Variants in TMEM237 observed in about 807,000 individuals in gnomAD.
TMEM237 encodes amyotrophic lateral sclerosis 2 (juvenile) chromosome region, candidate 4.
Under a neutral mutation model 59.1 loss-of-function variants are expected in TMEM237, and 51 were observed. The ratio of observed to expected loss-of-function variants is 0.86; its 90% CI spans 0.69 to 1.09. The LOEUF (loss-of-function observed/expected upper bound fraction) is 1.09. Among genes scored for constraint, TMEM237 ranks in the 50% least tolerant of loss-of-function variants. The pLI is 0.00. For synonymous variants in TMEM237, 140 were observed against 166.1 expected (o/e 0.84, Z 1.21); for missense variants, 475 against 478.3 (o/e 0.99, Z 0.06).
Position 201,636,831 on chromosome 2 carries a change from C to A in TMEM237, c.191G>T (p.Gly64Val). 1 of 1,605,806 alleles carries A rather than the reference C, an allele frequency of 6.2e-7. No homozygotes were observed. Among genetic ancestry groups the A allele is most frequent in the Non-Finnish European group, 8.5e-7 (1 of 1,176,266 alleles). ...GAGTTCTTTAGTTGATGGCTCATTG[C>A]CCTCAGAGGGCCTTCGACCAGCAGT... ...AQTAGRRPSE[G>V]NEPSTKELKE... Residue 64 changes from glycine (G) to valine (V), a missense_variant, in exon 5 of 13, where the codon GGC (glycine) becomes GTC (valine). Physicochemically the swap from Gly to Val is moderately radical, Grantham distance 109 (BLOSUM62 -3). Coordinates refer to ENST00000409883, the MANE Select transcript of TMEM237 (RefSeq NM_001044385.3).
intron 8 of TMEM237, 141 bp downstream of exon 8, chr2:201,629,588 G>A: frequency 7.7e-7 from 1 of 1,301,762 alleles, no homozygotes; most frequent in Non-Finnish European, 1.0e-6. Flanking sequence ...AATTCCAATA[G>A]GATGTTTAAA....
At chr2:201,641,039 TGGAGTGCAACGGCACG>T in intron 1 of TMEM237, 115 bp from the exon 2 acceptor site, 1 of 873,408 alleles carries the variant, frequency 1.1e-6, no homozygotes, top group South Asian at 2.1e-5. Context: ...TGGCCCAGGC[TGGAGTGCAACGGCACG>T]ATCTTGGCTC....
In TMEM237 at chr2:201,621,294, G is replaced by A. The variant is rs1253978958; in HGVS notation, c.*2961C>T. On this transcript the variant is annotated 3_prime_UTR_variant, in exon 13 of 13. Transcript: ENST00000409883. ...TTGGACTCTTCAAAAAATTGTCATG[G>A]GAAATTAGAATGGTACCGCCAACTC... 6.6e-6 allele frequency: 1 copy of A among 152,130 alleles called. No homozygotes were observed. Among genetic ancestry groups the A allele is most frequent in the Non-Finnish European group, 1.5e-5 (1 of 68,014 alleles). 9.4% of individuals were successfully genotyped at this position (152,130 alleles called of 1,614,324 possible). A position where few individuals can be genotyped will look rare whatever the true frequency, so the allele number is the denominator to read the frequency against.
chr2:201,626,620 C>T (rs750074527), intron 11 of TMEM237, among the ~76,000 whole-genome samples: 7 of 151,780 alleles, frequency 4.6e-5, no homozygotes, highest in African/African-American at 9.7e-5. Flanking sequence ...CATGGCTGGC[C>T]GCTGATCTGC....
intron 4 of TMEM237, among the ~76,000 whole-genome samples, chr2:201,637,364 C>A (rs2105902641): frequency 6.6e-6 from 1 of 152,294 alleles, no homozygotes; most frequent in Middle Eastern, 3.4e-3. Flanking sequence ...TCATTCACTT[C>A]AACTTCTTCC....
intron 12 of TMEM237, among the ~76,000 whole-genome samples, chr2:201,625,286 C>T (rs1179345278): frequency 2.6e-5 from 4 of 151,850 alleles, no homozygotes; most frequent in South Asian, 4.2e-4. Context: ...GACATGAACC[C>T]GGGAGGCGGA....
chr2:201,639,682 A>T (rs746859416), intron 3 of TMEM237, among the ~76,000 whole-genome samples: 95 of 152,240 alleles, frequency 6.2e-4, no homozygotes, highest in Non-Finnish European at 1.0e-3. Context: ...TGTAATCCCA[A>T]CTACTCAGGA....
At chr2:201,640,970 A>G (rs1162516974) in intron 1 of TMEM237, 46 bp from the exon 2 acceptor site, 8 of 1,556,534 alleles carry the variant, frequency 5.1e-6, no homozygotes, top group African/African-American at 2.7e-5. Context: ...AGCCTAGAGC[A>G]TCTTTACTTC....
In TMEM237 at chr2:201,643,280, C is replaced by CCCCCA; in HGVS notation, c.42+78_42+79insTGGGG. On this transcript the variant is annotated intron_variant, in intron 1 of 12. Coordinates refer to ENST00000409883, the MANE Select transcript of TMEM237 (RefSeq NM_001044385.3). The surrounding 1 kb of genome is among the most constrained non-coding windows in gnomAD (Gnocchi z 4.3). The stretch of plus-strand genomic sequence containing the variant: ...TGATTCCCAGCTCGTTGGCGCCCCC[C>CCCCCA]CACACACACCCACCCCCACTGCCAA... The CCCCCA allele has an allele frequency of 7.5e-7, 1 of 1,334,880 alleles. No individual in the cohort carries two copies. The highest frequency in any genetic ancestry group is 1.0e-6 in the Non-Finnish European group (1 of 958,266). The allele number at this position is 1,334,880 out of a possible 1,614,324, so 82.7% of individuals were successfully genotyped here.
rs1957792840 is a variant in TMEM237 at position 201,629,784 on chromosome 2, C to T, written c.622G>A (p.Val208Met). ...TTENIDVSMD[V>M]KPSWTTRDVA... ...TCTCTGGTGGTCCAGGAAGGCTTCACGTCCATTGACACATCTATGTTTTCT... is the reference window on the plus strand; with the variant it reads ...TCTCTGGTGGTCCAGGAAGGCTTCATGTCCATTGACACATCTATGTTTTCT... Residue 208 changes from valine to methionine, a missense_variant, in exon 8 of 13, where the codon GTG (valine) becomes ATG (methionine). By Grantham distance (21) the Val-to-Met change is conservative (BLOSUM62 1). Transcript: ENST00000409883. 1.2e-6 allele frequency: 2 copies of T among 1,613,620 alleles called. No individual in the cohort carries two copies. The highest frequency in any genetic ancestry group is 2.2e-5 in the East Asian group (1 of 44,868).
intron 7 of TMEM237, 63 bp from the exon 8 acceptor site, chr2:201,629,915 T>C (rs1381906488): frequency 2.5e-6 from 4 of 1,572,110 alleles, no homozygotes; most frequent in Non-Finnish European, 3.4e-6. Context: ...CCATTTTTTT[T>C]TTTAAATTCC....
At chr2:201,627,939 C>G (rs1280005921) in intron 10 of TMEM237, 137 bp downstream of exon 10, 2 of 526,022 alleles carry the variant, frequency 3.8e-6, no homozygotes, top group Non-Finnish European at 6.6e-6. Flanking sequence ...TTTCTAATTA[C>G]AAATTCACTG....
chr2:201,641,556 C>T (rs1687418412), intron 1 of TMEM237, among the ~76,000 whole-genome samples: 1 of 151,790 alleles, frequency 6.6e-6, no homozygotes, highest in Non-Finnish European at 1.5e-5. Flanking sequence ...GAACTCTGCT[C>T]TTATGAAACT....
In TMEM237 at chr2:201,624,279, CTCTT is replaced by C. The variant is rs1253820511; in HGVS notation, c.1199_1202del (p.Lys400ArgfsTer17). 5 of 1,611,976 alleles carry C rather than the reference CTCTT, an allele frequency of 3.1e-6. No homozygotes were observed. The African/African-American group carries it at 6.7e-5, about 22-fold the overall frequency. ...ATTATGAAGAGGCTTTGATTTCTTTCTCTTTATCAGGATATTCTTCCACCTCTGA... is the reference window on the plus strand; with the variant it reads ...ATTATGAAGAGGCTTTGATTTCTTTCTATCAGGATATTCTTCCACCTCTGA... On this transcript the variant is annotated frameshift_variant, in exon 13 of 13. Transcript: ENST00000409883. LOFTEE classifies it high-confidence loss of function.
Position 201,642,700 on chromosome 2 carries a change from C to G in TMEM237, c.42+659G>C, listed in dbSNP as rs757627407. ...CCCCACCCCTCCCGGCTCGGTCGCGCGCGCAGGCGCAATGCGTCATCGGGC... is the reference window on the plus strand; with the variant it reads ...CCCCACCCCTCCCGGCTCGGTCGCGGGCGCAGGCGCAATGCGTCATCGGGC... On this transcript the variant is annotated intron_variant, in intron 1 of 12. Transcript: ENST00000409883. The G allele has an allele frequency of 2.5e-5, 39 of 1,583,262 alleles. No homozygotes were observed. In the East Asian group the frequency reaches 7.7e-4, roughly 31 times the overall value.
Position 201,633,346 on chromosome 2 carries a change from C to T in TMEM237, c.360G>A (p.Glu120=). ...TCCGAGGTTTTTGAATAACTGCCTC[C>T]TCAGCTGGCTCCGCATCAATACCAT... is the stretch of plus-strand genomic sequence containing the variant. ...NENGIDAEPA[E]EAVIQKPRRK... The change falls in exon 6 of 13, where the codon GAG becomes GAA. Residue 120 remains glutamate, a synonymous_variant. Coordinates refer to ENST00000409883, the MANE Select transcript of TMEM237 (RefSeq NM_001044385.3). The T allele has an allele frequency of 1.9e-6, 3 of 1,597,658 alleles. No individual in the cohort carries two copies. In the East Asian group the frequency reaches 6.8e-5, roughly 36 times the overall value.
At chr2:201,627,061 C>T in intron 11 of TMEM237, among the ~76,000 whole-genome samples, 1 of 148,452 alleles carries the variant, frequency 6.7e-6, no homozygotes. Context: ...GCATGGGTGA[C>T]ACAGCGAGAC....
intron 7 of TMEM237, 144 bp downstream of exon 7, chr2:201,631,907 G>T: frequency 1.3e-6 from 1 of 796,544 alleles, no homozygotes; most frequent in South Asian, 2.2e-5. Context: ...TCACTCTCAT[G>T]AATCATAGCA....
chr2:201,629,890 A>G, intron 7 of TMEM237, 38 bp from the exon 8 acceptor site: 1 of 1,590,038 alleles, frequency 6.3e-7, no homozygotes, highest in East Asian at 2.3e-5. Flanking sequence ...AACTAGCGAG[A>G]GAGAACCCTG....
Sources: allele counts gnomAD v4.1 joint callset (sites outside exome capture counted in the v4.1 genomes callset), GRCh38; gene constraint gnomAD v4.1.1; non-coding constraint Gnocchi (gnomAD v3.1); transcripts MANE v1.5; gene names NCBI Gene and HGNC (gene_info 2026-07-23, HGNC 2026-07-21).